Variants in ZMPSTE24 observed in about 807,000 individuals in gnomAD.
The protein encoded by ZMPSTE24 is zinc metallopeptidase STE24, also known as CAAX prenyl protease 1 homolog.
ZMPSTE24 carries 48 observed loss-of-function variants against 56.7 expected under a neutral mutation model. That is an observed-to-expected ratio of 0.85 (90% CI 0.67 to 1.08). ZMPSTE24 has a LOEUF of 1.08. Ranked by LOEUF, ZMPSTE24 falls within the 50% of genes least tolerant of loss-of-function variation. The pLI is 0.00. For missense variants in ZMPSTE24, 503 were observed against 548.7 expected (o/e 0.92, Z 0.83); for synonymous variants, 172 against 195.2 (o/e 0.88, Z 0.99).
At position 40,293,494 on chromosome 1, in the gene ZMPSTE24, C is replaced by T. The variant is rs1321238186; in HGVS notation, c.*825C>T. On this transcript the variant is annotated 3_prime_UTR_variant, in exon 10 of 10. Transcript: ENST00000372759. ...TCAGCAGAGATGGCCATATTAAACA[C>T]GTTTTGCTATGTTAAAAGTGGCAGA... is the stretch of plus-strand genomic sequence containing the variant. The T allele has an allele frequency of 6.6e-6, 1 of 152,068 alleles. No individual in the cohort carries two copies. Among genetic ancestry groups the T allele is most frequent in the African/African-American group, 2.4e-5 (1 of 41,412 alleles). The allele number at this position is 152,068 out of a possible 1,614,324, so 9.4% of individuals were successfully genotyped here. A position where few individuals can be genotyped will look rare whatever the true frequency, so the allele number is the denominator to read the frequency against.
Position 40,279,140 on chromosome 1 carries a change from A to G in ZMPSTE24, c.770-2203A>G, listed in dbSNP as rs184891308. Among the ~76,000 whole-genome samples, 225 of 152,338 alleles carry G rather than the reference A, an allele frequency of 1.5e-3. 1 individual carries two copies. The highest frequency in any genetic ancestry group is 2.4e-3 in the Non-Finnish European group (166 of 68,038). On this transcript the variant is annotated intron_variant, in intron 6 of 9. Coordinates refer to ENST00000372759, the MANE Select transcript of ZMPSTE24 (RefSeq NM_005857.5). ...TAGACGACAGAGAGACCCTGTCTCAAAAGAAAAAAAGGTATGTCTTCTTCC... is the reference window on the plus strand; with the variant it reads ...TAGACGACAGAGAGACCCTGTCTCAGAAGAAAAAAAGGTATGTCTTCTTCC...
chr1:40,272,104 A>G, intron 6 of ZMPSTE24, 69 bp downstream of exon 6: 6 of 1,436,884 alleles, frequency 4.2e-6, no homozygotes, highest in Non-Finnish European at 5.6e-6. Context: ...TATTCTTAAA[A>G]TTTTAATAAA....
intron 7 of ZMPSTE24, among the ~76,000 whole-genome samples, chr1:40,285,584 T>C: frequency 6.6e-6 from 1 of 152,242 alleles, no homozygotes; most frequent in Non-Finnish European, 1.5e-5. Context: ...TAATATAATG[T>C]GACTGTCATA....
intron 6 of ZMPSTE24, among the ~76,000 whole-genome samples, chr1:40,273,552 ATATATATATATATATATG>A (rs1643637347): frequency 1.9e-5 from 2 of 106,140 alleles, no homozygotes; most frequent in South Asian, 5.9e-4. Context: ...ATATATATAT[ATATATATATATATATATG>A]TCAGACATTT....
chr1:40,287,928 A>G (rs1012883597), intron 8 of ZMPSTE24, among the ~76,000 whole-genome samples: 15 of 151,944 alleles, frequency 9.9e-5, no homozygotes, highest in African/African-American at 3.6e-4. Context: ...TGTAATCCCA[A>G]TACTTTGGAA....
chr1:40,260,055 CTTTTTTTTTTTTTTT>C (rs11383054), intron 1 of ZMPSTE24, among the ~76,000 whole-genome samples: 1 of 84,338 alleles, frequency 1.2e-5, no homozygotes, highest in Non-Finnish European at 2.2e-5. Context: ...GATCTTTCTC[CTTTTTTTTTTTTTTT>C]TTTTTTTTTA....
In ZMPSTE24 at chr1:40,268,452, A is replaced by G; in HGVS notation, c.391A>G (p.Thr131Ala). 1 of 1,612,924 alleles carries G rather than the reference A, an allele frequency of 6.2e-7. No individual in the cohort carries two copies. The highest frequency in any genetic ancestry group is 8.5e-7 in the Non-Finnish European group (1 of 1,179,978). Residue 131 changes from threonine to alanine, a missense_variant, in exon 4 of 10, where the codon ACA becomes GCA. By Grantham distance (58) the Thr-to-Ala change is moderately conservative. Coordinates refer to ENST00000372759, the MANE Select transcript of ZMPSTE24 (RefSeq NM_005857.5). ...GTCCCTGGTGTTTCTGCTGTTGGCT[A>G]CACTTTTCAGTGCATTGACTGGTTT... Reference protein sequence around the residue: ...TQSLVFLLLATLFSALTGLPW... With the variant: ...TQSLVFLLLAALFSALTGLPW...
At chr1:40,272,344 T>C (rs1041208278) in intron 6 of ZMPSTE24, among the ~76,000 whole-genome samples, 2 of 152,214 alleles carry the variant, frequency 1.3e-5, no homozygotes, top group African/African-American at 4.8e-5. Flanking sequence ...TTATCTTATA[T>C]ATTAGACTGA....
At chr1:40,275,295 G>A (rs796298586) in intron 6 of ZMPSTE24, among the ~76,000 whole-genome samples, 11 of 147,390 alleles carry the variant, frequency 7.5e-5, no homozygotes, top group South Asian at 4.3e-4. Context: ...AAAGCCGGGC[G>A]TGGTGGCGGG....
intron 2 of ZMPSTE24, among the ~76,000 whole-genome samples, chr1:40,261,266 C>G (rs1389537914): frequency 6.6e-6 from 1 of 152,200 alleles, no homozygotes; most frequent in East Asian, 1.9e-4. Context: ...CCATTTGAAA[C>G]TCCCTGCCTG....
intron 6 of ZMPSTE24, among the ~76,000 whole-genome samples, chr1:40,272,837 T>A (rs775955210): frequency 6.6e-6 from 1 of 152,246 alleles, no homozygotes; most frequent in Non-Finnish European, 1.5e-5. Flanking sequence ...ACTTCACCCT[T>A]CTGGGTTTCA....
chr1:40,281,583 A>G, intron 7 of ZMPSTE24, 56 bp downstream of exon 7: 1 of 1,549,408 alleles, frequency 6.5e-7, no homozygotes, highest in Non-Finnish European at 8.8e-7. Flanking sequence ...AGTTCCTGTG[A>G]CAACTCAAAA....
At chr1:40,262,838 A>T (rs867305701) in intron 2 of ZMPSTE24, 220 of 1,165,166 alleles carry the variant, frequency 1.9e-4, no homozygotes, top group Non-Finnish European at 2.3e-4. Flanking sequence ...CACCAGTTCC[A>T]GAGAATTGTT....
At chr1:40,258,495 A>C (rs1643461558) in intron 1 of ZMPSTE24, 101 bp downstream of exon 1, 2 of 1,591,276 alleles carry the variant, frequency 1.3e-6, no homozygotes, top group African/African-American at 1.3e-5. Context: ...TCCCCGCGCC[A>C]GTCTCGTCTT....
intron 6 of ZMPSTE24, among the ~76,000 whole-genome samples, chr1:40,274,574 A>G (rs1446979743): frequency 6.6e-6 from 1 of 152,198 alleles, no homozygotes; most frequent in Non-Finnish European, 1.5e-5. Context: ...CCATAGCAGG[A>G]GAGTGTTAGG....
At chr1:40,288,894 C>T (rs1034857552) in intron 8 of ZMPSTE24, among the ~76,000 whole-genome samples, 2 of 152,102 alleles carry the variant, frequency 1.3e-5, no homozygotes, top group Non-Finnish European at 2.9e-5. Context: ...GGCTCTCTCT[C>T]CTCCCAGGCT....
At chr1:40,271,030 A>C (rs953338841) in intron 5 of ZMPSTE24, among the ~76,000 whole-genome samples, 1 of 152,226 alleles carries the variant, frequency 6.6e-6, no homozygotes, top group African/African-American at 2.4e-5. Flanking sequence ...ATTATCATCT[A>C]TCAGCTCTTC....
intron 1 of ZMPSTE24, among the ~76,000 whole-genome samples, chr1:40,260,227 A>G (rs1218180966): frequency 1.3e-5 from 2 of 151,580 alleles, no homozygotes; most frequent in Non-Finnish European, 2.9e-5. Flanking sequence ...CACTCTGCTA[A>G]TTTTTGTATT....
At chr1:40,271,270 T>G (rs1353118057) in intron 5 of ZMPSTE24, among the ~76,000 whole-genome samples, 1 of 152,236 alleles carries the variant, frequency 6.6e-6, no homozygotes, top group Admixed American at 6.5e-5. Context: ...GCTCATTGTT[T>G]CATTTTCCAT....
Sources: gnomAD v4.1 joint callset for allele counts (sites outside exome capture counted in the v4.1 genomes callset) on GRCh38, gnomAD v4.1.1 for gene constraint, MANE v1.5 for transcripts, NCBI Gene and HGNC (gene_info 2026-07-23, HGNC 2026-07-21) for gene names.